The following ATP10B variants were observed in gnomAD, a reference collection of about 807,000 sequenced individuals.
ATP10B encodes ATPase phospholipid transporting 10B (putative), also known as phospholipid-transporting ATPase VB.
In ATP10B, 122 loss-of-function variants were observed where a neutral mutation model predicts 141.2. The ratio of observed to expected loss-of-function variants is 0.86; its 90% CI spans 0.75 to 1.00. The LOEUF (loss-of-function observed/expected upper bound fraction) is 1.00. ATP10B is among the 50% of genes least tolerant of loss of function. The pLI is 0.00. For synonymous variants in ATP10B, 685 were observed against 692.0 expected (o/e 0.99, Z 0.16); for missense variants, 1,876 against 1,825.3 (o/e 1.03, Z -0.51).
intron 22 of ATP10B, among the ~76,000 whole-genome samples, chr5:160,594,319 G>T (rs993202032): frequency 2.0e-5 from 3 of 152,056 alleles, no homozygotes; most frequent in East Asian, 1.9e-4. Flanking sequence ...AATAAAATCC[G>T]TTACAGACAG....
At chr5:160,846,198 T>C (rs141346350) in intron 1 of ATP10B, among the ~76,000 whole-genome samples, 2 of 152,254 alleles carry the variant, frequency 1.3e-5, no homozygotes, top group African/African-American at 4.8e-5. Flanking sequence ...AAATAGGTAT[T>C]TAGAAATGAG....
intron 17 of ATP10B, among the ~76,000 whole-genome samples, chr5:160,613,717 T>A (rs1757852414): frequency 6.6e-6 from 1 of 152,198 alleles, no homozygotes; most frequent in Admixed American, 6.5e-5. Context: ...TTGATAATAT[T>A]CTTGGAGTGA....
chr5:160,643,788 G>T (rs1379303338), intron 9 of ATP10B, among the ~76,000 whole-genome samples: 2 of 152,158 alleles, frequency 1.3e-5, no homozygotes, highest in Non-Finnish European at 2.9e-5. Flanking sequence ...GGAAATTGAG[G>T]CTCCAAAGGG....
intron 2 of ATP10B, among the ~76,000 whole-genome samples, chr5:160,780,782 A>C (rs1770665874): frequency 6.6e-6 from 1 of 152,188 alleles, no homozygotes; most frequent in Non-Finnish European, 1.5e-5. Context: ...GTGACTACAG[A>C]TTTTACTGCA....
intron 3 of ATP10B, among the ~76,000 whole-genome samples, chr5:160,707,519 T>C (rs1370509400): frequency 6.6e-6 from 1 of 152,232 alleles, no homozygotes; most frequent in East Asian, 1.9e-4. Flanking sequence ...ATACAGACTT[T>C]CCATAGCCAT....
At chr5:160,795,232 C>G (rs1416949036) in intron 1 of ATP10B, among the ~76,000 whole-genome samples, 9 of 152,158 alleles carry the variant, frequency 5.9e-5, no homozygotes, top group African/African-American at 2.2e-4. Context: ...AACAGGATAT[C>G]TCAATTGCAA....
chr5:160,736,418 G>A (rs1767115070), intron 2 of ATP10B, among the ~76,000 whole-genome samples: 2 of 152,162 alleles, frequency 1.3e-5, no homozygotes, highest in Admixed American at 6.5e-5. Context: ...AGAAAGAAAT[G>A]TAAAATCTGA....
At chr5:160,816,537 G>A (rs1321860829) in intron 1 of ATP10B, among the ~76,000 whole-genome samples, 2 of 152,048 alleles carry the variant, frequency 1.3e-5, no homozygotes, top group Admixed American at 6.6e-5. Flanking sequence ...AAAAATCCAG[G>A]ACCACATGGA....
At chr5:160,777,208 A>G (rs1451266794) in intron 2 of ATP10B, among the ~76,000 whole-genome samples, 1 of 152,222 alleles carries the variant, frequency 6.6e-6, no homozygotes, top group East Asian at 1.9e-4. Flanking sequence ...AACAACCCCT[A>G]AAGTGGGCAC....
At position 160,712,683 on chromosome 5, in the gene ATP10B, C is replaced by A. The variant is rs1426804874; in HGVS notation, c.-205+4226G>T. Reference sequence around the variant, plus strand: ...TTTGAATGTGTTTGCTCTTGCTTTTCTAGTTCTTTTAATTGTGATGTTAGG... The same window carrying A: ...TTTGAATGTGTTTGCTCTTGCTTTTATAGTTCTTTTAATTGTGATGTTAGG... On this transcript the variant is annotated intron_variant, in intron 3 of 25. Transcript: ENST00000327245. Among the ~76,000 whole-genome samples the A allele has an allele frequency of 3.6e-4, 6 of 16,526 alleles. 3 individuals are homozygous for A. The East Asian group carries it at 0.014, about 39-fold the overall frequency. 10.8% of individuals were successfully genotyped at this position (16,526 alleles called of 152,430 possible).
chr5:160,696,195 C>T (rs1764351871), intron 3 of ATP10B, among the ~76,000 whole-genome samples: 1 of 152,136 alleles, frequency 6.6e-6, no homozygotes, highest in African/African-American at 2.4e-5. Context: ...CAACCTCTGC[C>T]TCCCAGGTTC....
chr5:160,617,172 T>C (rs913321799), intron 16 of ATP10B, among the ~76,000 whole-genome samples: 3 of 152,214 alleles, frequency 2.0e-5, no homozygotes, highest in Non-Finnish European at 2.9e-5. Context: ...ATGCCCATCA[T>C]AGCACCCCAT....
At chr5:160,724,252 T>TTTA (rs1491401012) in intron 2 of ATP10B, among the ~76,000 whole-genome samples, 37 of 61,218 alleles carry the variant, frequency 6.0e-4, no homozygotes, top group Non-Finnish European at 2.9e-5. Context: ...CTATAATTCC[T>TTTA]TTTTTTTTTT....
Position 160,620,629 on chromosome 5 carries a change from T to C in ATP10B, c.2134A>G (p.Arg712Gly). 1 of 1,613,680 alleles carries C rather than the reference T, an allele frequency of 6.2e-7. No homozygotes were observed. Among genetic ancestry groups the C allele is most frequent in the South Asian group, 1.1e-5 (1 of 91,062 alleles). Reference sequence around the variant, plus strand: ...TCAGCCTCGTAACAGAACTCAGGCCTGGCCAGGTCTGTGGCTGGGGCCTCC... The same window carrying C: ...TCAGCCTCGTAACAGAACTCAGGCCCGGCCAGGTCTGTGGCTGGGGCCTCC... ...ALEAPATDLARPEFCYEAESP... is the reference protein window; with the variant it reads ...ALEAPATDLAGPEFCYEAESP... Residue 712 changes from arginine to glycine, a missense_variant, in exon 15 of 26, where the codon AGG becomes GGG. By Grantham distance (125) the Arg-to-Gly change is moderately radical. Coordinates refer to ENST00000327245, the MANE Select transcript of ATP10B (RefSeq NM_025153.3).
intron 1 of ATP10B, among the ~76,000 whole-genome samples, chr5:160,833,001 T>C (rs1269793256): frequency 1.3e-5 from 2 of 152,172 alleles, no homozygotes; most frequent in African/African-American, 2.4e-5. Flanking sequence ...GTAGTGTTAA[T>C]GTGCCAAACT....
chr5:160,818,136 A>G (rs1773811787), intron 1 of ATP10B, among the ~76,000 whole-genome samples: 1 of 152,236 alleles, frequency 6.6e-6, no homozygotes, highest in African/African-American at 2.4e-5. Context: ...AACAAAAGCC[A>G]AAATTGACAA....
the ATP10B span, among the ~76,000 whole-genome samples, chr5:160,859,581 C>T: frequency 6.6e-6 from 1 of 151,312 alleles, no homozygotes; most frequent in Admixed American, 6.6e-5. Context: ...ATCTAAAATA[C>T]ATCTTTTATC....
intron 7 of ATP10B, among the ~76,000 whole-genome samples, chr5:160,665,162 G>A (rs1762250796): frequency 6.6e-6 from 1 of 152,040 alleles, no homozygotes; most frequent in African/African-American, 2.4e-5. Flanking sequence ...GAAAAAAAAA[G>A]TAGATTTAGT....
chr5:160,573,749 T>C (rs1267586360), intron 24 of ATP10B, among the ~76,000 whole-genome samples: 1 of 152,150 alleles, frequency 6.6e-6, no homozygotes, highest in African/African-American at 2.4e-5. Flanking sequence ...TTGTCTTCTG[T>C]GGTCCCTGGT....
Sources: allele counts gnomAD v4.1 joint callset (sites outside exome capture counted in the v4.1 genomes callset), GRCh38; gene constraint gnomAD v4.1.1; transcripts MANE v1.5; gene names NCBI Gene and HGNC (gene_info 2026-07-23, HGNC 2026-07-21).